Variants in NTRK2 observed in about 807,000 individuals in gnomAD.
NTRK2 encodes the protein BDNF/NT-3 growth factors receptor.
Under a neutral mutation model 94.5 loss-of-function variants are expected in NTRK2, and 13 were observed. The observed-to-expected ratio is 0.14, with a 90% CI of 0.09 to 0.22. The LOEUF (loss-of-function observed/expected upper bound fraction) is 0.22. Ranked by LOEUF, NTRK2 falls within the 10% of genes least tolerant of loss-of-function variation. The probability of loss-of-function intolerance (pLI) is 1.00; values close to 1 mark genes in which losing one functional copy is unlikely to be tolerated. For synonymous variants in NTRK2, 372 were observed against 407.4 expected, an observed-to-expected ratio of 0.91 and a Z score of 1.05; for missense variants, 639 against 1,071.2, an observed-to-expected ratio of 0.60 and a Z score of 5.63.
upstream of NTRK2, among the ~76,000 whole-genome samples, chr9:84,668,968 C>T (rs1451807439): frequency 6.6e-6 from 1 of 152,122 alleles, no homozygotes; most frequent in Non-Finnish European, 1.5e-5. Flanking sequence ...CAGGCGCGCT[C>T]CCTTCCCCTC....
intron 6 of NTRK2, among the ~76,000 whole-genome samples, chr9:84,714,832 T>C (rs1466211552): frequency 6.6e-6 from 1 of 152,150 alleles, no homozygotes; most frequent in Non-Finnish European, 1.5e-5. Context: ...TTTTTGGGGG[T>C]AAAACTTTTT....
intron 5 of NTRK2, among the ~76,000 whole-genome samples, chr9:84,709,212 G>A (rs1409562190): frequency 6.6e-6 from 1 of 152,198 alleles, no homozygotes; most frequent in Non-Finnish European, 1.5e-5. Context: ...CATAATCATC[G>A]AGCTTGCATA....
At chr9:85,005,432 G>A (rs1339005162) in intron 17 of NTRK2, among the ~76,000 whole-genome samples, 1 of 152,150 alleles carries the variant, frequency 6.6e-6, no homozygotes, top group Non-Finnish European at 1.5e-5. Context: ...CTTAGTAAAC[G>A]GTAATGAAAC....
chr9:84,966,492 C>A lies in NTRK2; in HGVS notation c.2172+10975C>A, dbSNP rs1825572330. On this transcript the variant is annotated intron_variant, in intron 17 of 18. Transcript: ENST00000277120. Reference sequence around the variant, plus strand: ...TGCCACCCAAGCTGGAGTGTAATGGCACAATATCAGTTCACTGCAACCTCC... The same window carrying A: ...TGCCACCCAAGCTGGAGTGTAATGGAACAATATCAGTTCACTGCAACCTCC... Among the ~76,000 whole-genome samples, 3 of 152,256 alleles carry A rather than the reference C, an allele frequency of 2.0e-5. No individual in the cohort carries two copies. The South Asian group carries it at 6.2e-4, about 32-fold the overall frequency.
chr9:84,668,682 GC>G (rs1222372553), upstream of NTRK2: 33 of 152,292 alleles, frequency 2.2e-4, no homozygotes, highest in Non-Finnish European at 5.9e-5. Flanking sequence ...CCGAGGCTCT[GC>G]CCGCGCCTGG....
chr9:84,860,764 T>C (rs566881819), intron 12 of NTRK2, among the ~76,000 whole-genome samples: 20 of 152,252 alleles, frequency 1.3e-4, no homozygotes, highest in African/African-American at 4.6e-4. Flanking sequence ...ATTTTTCTCA[T>C]AGACAGGCTG....
intron 13 of NTRK2, among the ~76,000 whole-genome samples, chr9:84,865,524 T>C (rs2132038501): frequency 6.6e-6 from 1 of 152,314 alleles, no homozygotes; most frequent in African/African-American, 2.4e-5. Context: ...GATTCAAGAC[T>C]GGATGACAAA....
chr9:84,975,765 TTC>T (rs1451080767), intron 17 of NTRK2, among the ~76,000 whole-genome samples: 28 of 152,090 alleles, frequency 1.8e-4, no homozygotes, highest in African/African-American at 6.5e-4. Flanking sequence ...ATGTGTGATA[TTC>T]ACACAAATTG....
At chr9:84,802,801 C>G (rs191063833) in intron 12 of NTRK2, among the ~76,000 whole-genome samples, 1 of 152,276 alleles carries the variant, frequency 6.6e-6, no homozygotes. Flanking sequence ...AAGGAGTGTG[C>G]ATAGTGATCT....
chr9:84,710,852 C>T lies in NTRK2; in HGVS notation c.583+61C>T, dbSNP rs73482782. The T allele has an allele frequency of 2.8e-4, 432 of 1,564,316 alleles. No individual in the cohort carries two copies. In the African/African-American group the frequency reaches 4.9e-3, roughly 18 times the overall value. ...ATTAATTATTCTCATTGCCTTGGTGCGGTAGTCTGGGAAAATTACCACTAC... is the reference window on the plus strand; with the variant it reads ...ATTAATTATTCTCATTGCCTTGGTGTGGTAGTCTGGGAAAATTACCACTAC... On this transcript the variant is annotated intron_variant, in intron 6 of 18. Transcript: ENST00000277120.
chr9:84,872,036 A>G, intron 14 of NTRK2: 1 of 1,444,442 alleles, frequency 6.9e-7, no homozygotes, highest in South Asian at 1.4e-5. Context: ...GTACTATGCC[A>G]CTTTAACTAT....
chr9:84,755,778 A>G (rs896940382), intron 12 of NTRK2, among the ~76,000 whole-genome samples: 1 of 152,070 alleles, frequency 6.6e-6, no homozygotes, highest in Non-Finnish European at 1.5e-5. Context: ...GAAGTTGGCA[A>G]AAGTGCTAGA....
intron 14 of NTRK2, among the ~76,000 whole-genome samples, chr9:84,910,955 G>T (rs2077219838): frequency 6.6e-6 from 1 of 152,156 alleles, no homozygotes; most frequent in South Asian, 2.1e-4. Flanking sequence ...ATTTTGATAG[G>T]AATGGTGGTA....
intron 12 of NTRK2, among the ~76,000 whole-genome samples, chr9:84,752,961 G>T (rs1030924429): frequency 6.6e-6 from 1 of 152,090 alleles, no homozygotes; most frequent in African/African-American, 2.4e-5. Context: ...TTATCTGTAT[G>T]GTCTGTTAGA....
intron 16 of NTRK2, among the ~76,000 whole-genome samples, chr9:84,952,313 A>G (rs915069830): frequency 1.3e-5 from 2 of 152,178 alleles, no homozygotes; most frequent in African/African-American, 4.8e-5. Context: ...GTGGTGTGCT[A>G]TAGAATCCTG....
At chr9:85,000,557 G>C (rs1236930030) in intron 17 of NTRK2, among the ~76,000 whole-genome samples, 1 of 151,966 alleles carries the variant, frequency 6.6e-6, no homozygotes. Context: ...TTAATAATAG[G>C]CATTTAAAGT....
At chr9:84,959,777 T>C (rs920110229) in intron 17 of NTRK2, among the ~76,000 whole-genome samples, 2 of 152,242 alleles carry the variant, frequency 1.3e-5, no homozygotes, top group African/African-American at 4.8e-5. Context: ...AGGAAACATC[T>C]GAACCAGATT....
At chr9:84,921,103 C>A (rs533320030) in intron 14 of NTRK2, among the ~76,000 whole-genome samples, 1 of 152,286 alleles carries the variant, frequency 6.6e-6, no homozygotes, top group Admixed American at 6.5e-5. Flanking sequence ...GACTTCATGA[C>A]AAAATGTGGG....
intron 13 of NTRK2, among the ~76,000 whole-genome samples, chr9:84,862,674 C>A (rs539490553): frequency 6.6e-6 from 1 of 152,122 alleles, no homozygotes; most frequent in Non-Finnish European, 1.5e-5. Context: ...GTGTGTCACT[C>A]GTGGTTCCCA....
Sources: allele counts gnomAD v4.1 joint callset (sites outside exome capture counted in the v4.1 genomes callset), GRCh38; gene constraint gnomAD v4.1.1; transcripts MANE v1.5; gene names NCBI Gene and HGNC (gene_info 2026-07-23, HGNC 2026-07-21).